The following INTS7 variants were observed in gnomAD, a reference collection of about 807,000 sequenced individuals.
INTS7 encodes chromosome 1 open reading frame 73.
Under a neutral mutation model 109.2 loss-of-function variants are expected in INTS7, and 46 were observed. That is an observed-to-expected ratio of 0.42 (90% CI 0.33 to 0.54). INTS7 has a LOEUF of 0.54. INTS7 is among the 20% of genes least tolerant of loss of function. INTS7 has a pLI of 0.07. For synonymous variants in INTS7, 412 were observed against 402.9 expected, an observed-to-expected ratio of 1.02 and a Z score of -0.27; for missense variants, 929 against 1,132.4, an observed-to-expected ratio of 0.82 and a Z score of 2.58.
At chr1:212,026,685 C>T (rs756099120) in intron 1 of INTS7, among the ~76,000 whole-genome samples, 33 of 152,064 alleles carry the variant, frequency 2.2e-4, no homozygotes, top group Non-Finnish European at 2.6e-4. Flanking sequence ...TGTGTGCTTA[C>T]GTATATGTGT....
At position 212,018,372 on chromosome 1, in the gene INTS7, G is replaced by T. The variant is rs771219783; in HGVS notation, c.372-1349C>A. Among the ~76,000 whole-genome samples, 86 of 151,910 alleles carry T rather than the reference G, an allele frequency of 5.7e-4. 1 individual carries two copies. Among genetic ancestry groups the T allele is most frequent in the Admixed American group, 2.0e-4 (3 of 15,252 alleles). On this transcript the variant is annotated intron_variant, in intron 3 of 19. Transcript: ENST00000366994. ...AAGTCAATTGCCATGACTTAGAGAA[G>T]GGCAAGCATGGAAAATGATTAACAT... is the stretch of plus-strand genomic sequence containing the variant.
At chr1:212,012,157 A>C (rs1231318976) in intron 4 of INTS7, among the ~76,000 whole-genome samples, 1 of 152,016 alleles carries the variant, frequency 6.6e-6, no homozygotes, top group Non-Finnish European at 1.5e-5. Flanking sequence ...CACTGCTCTC[A>C]CTGACAATGT....
Position 211,966,412 on chromosome 1 carries a change from T to C in INTS7, c.2183+18A>G, listed in dbSNP as rs150324013. On this transcript the variant is annotated intron_variant, in intron 16 of 19. Coordinates refer to ENST00000366994, the MANE Select transcript of INTS7 (RefSeq NM_015434.4). ...GAAAGTGTTCTGTAACGCCAACTAT[T>C]ATTAATATTAGAATTACCTTGCTGA... The C allele has an allele frequency of 1.6e-5, 23 of 1,405,326 alleles. No homozygotes were observed. In the African/African-American group the frequency reaches 3.1e-4, roughly 19 times the overall value. 87.1% of individuals were successfully genotyped at this position (1,405,326 alleles called of 1,614,324 possible). A position where few individuals can be genotyped will look rare whatever the true frequency, so the allele number is the denominator to read the frequency against.
chr1:211,978,184 T>C, intron 11 of INTS7, 88 bp downstream of exon 11: 1 of 1,464,806 alleles, frequency 6.8e-7, no homozygotes, highest in Non-Finnish European at 9.4e-7. Flanking sequence ...GTTTTTTAAG[T>C]AAAGTCAAAT....
intron 7 of INTS7, among the ~76,000 whole-genome samples, chr1:212,002,671 G>C (rs987152807): frequency 6.6e-6 from 1 of 152,220 alleles, no homozygotes; most frequent in East Asian, 1.9e-4. Context: ...TGTCAACTTC[G>C]CAGTGAGGGT....
intron 16 of INTS7, among the ~76,000 whole-genome samples, chr1:211,956,677 GT>G (rs555264661): frequency 4.8e-4 from 73 of 152,092 alleles, no homozygotes; most frequent in African/African-American, 1.6e-3. Context: ...CCAGCTTCTG[GT>G]TTCACTGATT....
At chr1:211,971,612 G>C (rs1415725363) in intron 13 of INTS7, among the ~76,000 whole-genome samples, 1 of 152,042 alleles carries the variant, frequency 6.6e-6, no homozygotes, top group East Asian at 1.9e-4. Flanking sequence ...TTACAAAAAA[G>C]CATGTTGAAA....
chr1:211,981,655 T>G (rs1374555708), intron 9 of INTS7, among the ~76,000 whole-genome samples: 1 of 152,164 alleles, frequency 6.6e-6, no homozygotes, highest in Non-Finnish European at 1.5e-5. Flanking sequence ...CCACATAACC[T>G]TATTACTGTT....
intron 3 of INTS7, among the ~76,000 whole-genome samples, chr1:212,019,097 A>T (rs1666577175): frequency 6.6e-6 from 1 of 152,082 alleles, no homozygotes; most frequent in Admixed American, 6.5e-5. Flanking sequence ...TAAAAGTAAA[A>T]AAAGATAGTT....
Position 211,981,153 on chromosome 1 carries a change from C to T in INTS7, c.1170G>A (p.Leu390=). 6.2e-7 allele frequency: 1 copy of T among 1,613,460 alleles called. No individual in the cohort carries two copies. Among genetic ancestry groups the T allele is most frequent in the Non-Finnish European group, 8.5e-7 (1 of 1,179,582 alleles). Residue 390 remains leucine (L), a synonymous_variant, in exon 10 of 20, where the codon CTG becomes CTA. Transcript: ENST00000366994. ...GACTACAAAGTACCAGTAGGGATTC[C>T]AGGCCAAAGACAGCATCTTGTTCCA... ...LALEQDAVFG[L]ESLLVLCSQD...
At chr1:211,950,109 T>A (rs1044655659) in intron 17 of INTS7, among the ~76,000 whole-genome samples, 3 of 152,230 alleles carry the variant, frequency 2.0e-5, no homozygotes, top group African/African-American at 7.2e-5. Context: ...TATAAAATCT[T>A]TCTTTCTTAG....
In INTS7 at chr1:211,968,647, C is replaced by A; in HGVS notation, c.1876G>T (p.Asp626Tyr). The change falls in exon 14 of 20, where the codon GAC becomes TAC. Residue 626 changes from aspartate to tyrosine, a missense_variant. By Grantham distance (160) the Asp-to-Tyr change is radical (BLOSUM62 -3). This residue lies in a region of INTS7 where 787 missense variants were observed against 901.1 expected (regional missense o/e 0.87). Coordinates refer to ENST00000366994, the MANE Select transcript of INTS7 (RefSeq NM_015434.4). Reference sequence around the variant, plus strand: ...AGTTGAGAGAAGGCTTGTAAAAGGTCAATCCTGAGTTTTACAAATTCACAC... The same window carrying A: ...AGTTGAGAGAAGGCTTGTAAAAGGTAAATCCTGAGTTTTACAAATTCACAC... ...FQCEFVKLRI[D>Y]LLQAFSQLIC... 1 of 1,611,590 alleles carries A rather than the reference C, an allele frequency of 6.2e-7. No individual in the cohort carries two copies. The highest frequency in any genetic ancestry group is 1.1e-5 in the South Asian group (1 of 90,942).
At chr1:211,964,817 A>G (rs1287058493) in intron 16 of INTS7, among the ~76,000 whole-genome samples, 1 of 152,212 alleles carries the variant, frequency 6.6e-6, no homozygotes, top group African/African-American at 2.4e-5. Context: ...ACAAAAATCA[A>G]CTCAAGATGG....
chr1:211,994,366 A>T (rs898864231), intron 7 of INTS7, among the ~76,000 whole-genome samples: 25 of 151,968 alleles, frequency 1.6e-4, no homozygotes, highest in Non-Finnish European at 1.8e-4. Context: ...AATTGACAAC[A>T]TCTGTTTAAT....
At chr1:212,008,307 C>G (rs1666025746) in intron 5 of INTS7, among the ~76,000 whole-genome samples, 1 of 152,120 alleles carries the variant, frequency 6.6e-6, no homozygotes, top group Non-Finnish European at 1.5e-5. Context: ...TACTTTGTTC[C>G]TTAAGGTTCT....
chr1:212,027,985 C>T (rs1032066619), intron 1 of INTS7, among the ~76,000 whole-genome samples: 1 of 152,134 alleles, frequency 6.6e-6, no homozygotes, highest in South Asian at 2.1e-4. Flanking sequence ...CACCATCACA[C>T]CTGGCTAAGT....
Position 211,989,379 on chromosome 1 carries a change from G to GT in INTS7, c.880-1377dup, listed in dbSNP as rs541880288. Among the ~76,000 whole-genome samples, 707 of 143,138 alleles carry GT rather than the reference G, an allele frequency of 4.9e-3. 1 individual carries two copies. Among genetic ancestry groups the GT allele is most frequent in the African/African-American group, 8.5e-3 (338 of 39,576 alleles). The allele number at this position is 143,138 out of a possible 152,430, so 93.9% of individuals were successfully genotyped here. ...TTTGGTAAAATAAAACTATATCCCT[G>GT]TTTTTTTTTTTATGGCAAATAAAAA... On this transcript the variant is annotated intron_variant, in intron 7 of 19. Transcript: ENST00000366994.
rs1318827582 is a variant in INTS7, at chr1:211,974,268, AAAAAAAAAAT to A, written c.1815+888_1815+897del. On this transcript the variant is annotated intron_variant, in intron 13 of 19. Coordinates refer to ENST00000366994, the MANE Select transcript of INTS7 (RefSeq NM_015434.4). Reference sequence around the variant, plus strand: ...ATAGGAAACAACAATCTCTTCCCAGAAAAAAAAAATATATATATATATATATATATATATA... The same window carrying A: ...ATAGGAAACAACAATCTCTTCCCAGAATATATATATATATATATATATATA... Among the ~76,000 whole-genome samples, 575 of 83,766 alleles carry A rather than the reference AAAAAAAAAAT, an allele frequency of 6.9e-3. 5 individuals are homozygous for A. The highest frequency in any genetic ancestry group is 0.028 in the African/African-American group (555 of 20,020). 55.0% of individuals were successfully genotyped at this position (83,766 alleles called of 152,430 possible).
At chr1:211,961,430 C>CTT (rs768933469) in intron 16 of INTS7, among the ~76,000 whole-genome samples, 12 of 143,820 alleles carry the variant, frequency 8.3e-5, no homozygotes, top group Middle Eastern at 3.7e-3. Context: ...ATATTCAATT[C>CTT]TTTTTTTTTT....
Sources: gnomAD v4.1 joint callset for allele counts (sites outside exome capture counted in the v4.1 genomes callset) on GRCh38, gnomAD v4.1.1 for gene constraint, gnomAD v4.1.1 regional missense constraint, MANE v1.5 for transcripts, NCBI Gene and HGNC (gene_info 2026-07-23, HGNC 2026-07-21) for gene names.